The following ASPH variants were observed in gnomAD, a reference collection of about 807,000 sequenced individuals.
The protein encoded by ASPH is aspartyl/asparaginyl beta-hydroxylase.
A neutral mutation model predicts 118.4 loss-of-function variants in ASPH; 100 were observed. That is an observed-to-expected ratio of 0.84 (90% confidence interval 0.72 to 1.00). The LOEUF is 1.00. Among genes scored for constraint, ASPH ranks in the 50% least tolerant of loss-of-function variants. The pLI, the probability that ASPH is intolerant of heterozygous loss-of-function variation, is 0.00. For missense variants in ASPH, 920 were observed against 919.5 expected, an observed-to-expected ratio of 1.00 and a Z score of -0.01; for synonymous variants, 315 against 325.6, an observed-to-expected ratio of 0.97 and a Z score of 0.35.
chr8:61,517,789 C>T, intron 23 of ASPH, 128 bp from the exon 24 acceptor site: 1 of 1,302,564 alleles, frequency 7.7e-7, no homozygotes, highest in Non-Finnish European at 1.0e-6. Context: ...TATTTATATT[C>T]AAGTCTTATT....
intron 24 of ASPH, among the ~76,000 whole-genome samples, chr8:61,509,111 A>T (rs1234237916): frequency 6.6e-6 from 1 of 152,112 alleles, no homozygotes; most frequent in Non-Finnish European, 1.5e-5. Context: ...AGATGAAGGC[A>T]CTGAAGGAGG....
intron 3 of ASPH, chr8:61,663,353 A>G (rs1817898038): frequency 1.0e-6 from 1 of 985,278 alleles, no homozygotes; most frequent in African/African-American, 1.7e-5. Flanking sequence ...AGGCCTAACC[A>G]GGCCAACTGG....
chr8:61,637,514 T>C (rs1401571094), intron 12 of ASPH, among the ~76,000 whole-genome samples: 1 of 152,002 alleles, frequency 6.6e-6, no homozygotes, highest in Admixed American at 6.6e-5. Flanking sequence ...TCAGAAACCA[T>C]CCCTTCAGTT....
In ASPH at chr8:61,548,094, T is replaced by C; in HGVS notation, c.1741A>G (p.Thr581Ala). The change falls in exon 21 of 25, where the codon ACG becomes GCG. Residue 581 changes from threonine (T) to alanine (A), a missense_variant. Coordinates refer to ENST00000379454, the MANE Select transcript of ASPH (RefSeq NM_004318.4). ...ACCTTTACTAACTCTGTGTAGCCCG[T>C]TTCTTTTGGGGTCCACCAAGGCTGT... ...KAQPWWTPKE[T>A]GYTELVKSLE... The C allele has an allele frequency of 6.2e-7, 1 of 1,613,794 alleles. No individual in the cohort carries two copies. The highest frequency in any genetic ancestry group is 8.5e-7 in the Non-Finnish European group (1 of 1,179,760).
At chr8:61,567,818 G>C (rs1039440670) in intron 16 of ASPH, among the ~76,000 whole-genome samples, 2 of 152,220 alleles carry the variant, frequency 1.3e-5, no homozygotes, top group African/African-American at 4.8e-5. Flanking sequence ...AAGGTACTAT[G>C]TGTCTAACAG....
chr8:61,665,030 A>G, intron 3 of ASPH: 1 of 1,274,808 alleles, frequency 7.8e-7, no homozygotes, highest in Non-Finnish European at 9.9e-7. Context: ...AATAGAAGTT[A>G]TTACATCATA....
chr8:61,704,796 G>A (rs1836184153), intron 1 of ASPH, among the ~76,000 whole-genome samples: 1 of 152,072 alleles, frequency 6.6e-6, no homozygotes, highest in South Asian at 2.1e-4. Context: ...CCACCAGAAT[G>A]GCTAAAATTA....
chr8:61,526,109 A>C lies in ASPH; in HGVS notation c.1768T>G (p.Leu590Val), dbSNP rs758594010. Residue 590 changes from leucine to valine, a missense_variant, in exon 22 of 25, where the codon TTA (leucine) becomes GTA (valine). Leu to Val is a conservative substitution (Grantham distance 32). Coordinates refer to ENST00000379454, the MANE Select transcript of ASPH (RefSeq NM_004318.4). ...CGGATTAACTTCCAGTTTCTTTCTA[A>C]AGACTAGAGGGAAGATTCTGGCTTT... The part of the protein sequence containing the change: ...ETGYTELVKS[L>V]ERNWKLIRDE... The C allele has an allele frequency of 4.3e-6, 7 of 1,613,950 alleles. No homozygotes were observed. In the Admixed American group the frequency reaches 1.0e-4, roughly 23 times the overall value.
chr8:61,576,952 G>A (rs1835354089), intron 15 of ASPH, 94 bp from the exon 16 acceptor site: 1 of 1,074,116 alleles, frequency 9.3e-7, no homozygotes. Flanking sequence ...TTTTGTCAGA[G>A]TTTCCTAGAT....
Position 61,613,792 on chromosome 8 carries a change from T to C in ASPH, c.976+5186A>G, listed in dbSNP as rs191375038. On this transcript the variant is annotated intron_variant, in intron 14 of 24. Transcript: ENST00000379454. ...TCCTGAGATGCGTCATGTGCTGCACTAAGAAGTTTATTTTTTTATCATCAA... is the reference window on the plus strand; with the variant it reads ...TCCTGAGATGCGTCATGTGCTGCACCAAGAAGTTTATTTTTTTATCATCAA... 3.9e-3 allele frequency among the ~76,000 whole-genome samples: 589 copies of C among 152,320 alleles called. 4 individuals are homozygous for C. The highest frequency in any genetic ancestry group is 0.01 in the Middle Eastern group (3 of 294).
intron 1 of ASPH, among the ~76,000 whole-genome samples, chr8:61,702,823 T>C (rs1028827413): frequency 2.0e-5 from 3 of 152,206 alleles, no homozygotes; most frequent in Admixed American, 2.0e-4. Flanking sequence ...TCTATTGTTA[T>C]CATTTACCAT....
At chr8:61,619,211 A>G (rs1397818981) in intron 13 of ASPH, among the ~76,000 whole-genome samples, 192 bp from the exon 14 acceptor site, 1 of 152,182 alleles carries the variant, frequency 6.6e-6, no homozygotes, top group Non-Finnish European at 1.5e-5. Flanking sequence ...ATTTGGGCAT[A>G]TTTCAATTAC....
chr8:61,534,545 T>C (rs1296591306), intron 21 of ASPH, among the ~76,000 whole-genome samples: 1 of 152,262 alleles, frequency 6.6e-6, no homozygotes, highest in Non-Finnish European at 1.5e-5. Context: ...ATTGATTTCT[T>C]GTTGACCTGG....
intron 14 of ASPH, among the ~76,000 whole-genome samples, chr8:61,602,500 G>C (rs1005382693): frequency 6.6e-6 from 1 of 151,288 alleles, no homozygotes; most frequent in Non-Finnish European, 1.5e-5. Context: ...ATACTAAACG[G>C]TAACAGACTG....
chr8:61,540,315 C>T (rs1052155985), intron 21 of ASPH, among the ~76,000 whole-genome samples: 7 of 152,110 alleles, frequency 4.6e-5, no homozygotes, highest in African/African-American at 1.2e-4. Flanking sequence ...TTCTCATCAA[C>T]GGTTCAGTAC....
chr8:61,592,652 A>C (rs970922982), intron 14 of ASPH, among the ~76,000 whole-genome samples: 1 of 152,236 alleles, frequency 6.6e-6, no homozygotes, highest in Non-Finnish European at 1.5e-5. Flanking sequence ...TTAAAGAAAA[A>C]GGTGCTCTGT....
chr8:61,683,706 T>C (rs1203709939), intron 2 of ASPH: 1 of 175,228 alleles, frequency 5.7e-6, no homozygotes, highest in African/African-American at 2.4e-5. Context: ...CATGATCAAG[T>C]ATTTTTAAAA....
At chr8:61,690,412 G>C (rs1238303002) in intron 1 of ASPH, among the ~76,000 whole-genome samples, 2 of 152,062 alleles carry the variant, frequency 1.3e-5, no homozygotes, top group Non-Finnish European at 2.9e-5. Flanking sequence ...GGTGAGGAGA[G>C]GGAAAGAAAA....
rs190471538 is a variant in ASPH, at chr8:61,501,701, G to A, written c.*1658C>T. The A allele has an allele frequency of 3.1e-4, 47 of 152,224 alleles. No homozygotes were observed. Among genetic ancestry groups the A allele is most frequent in the African/African-American group, 1.1e-3 (45 of 41,540 alleles). 9.4% of individuals were successfully genotyped at this position (152,224 alleles called of 1,614,324 possible). On this transcript the variant is annotated 3_prime_UTR_variant, in exon 25 of 25. Transcript: ENST00000379454. Reference sequence around the variant, plus strand: ...TTAATTTGGATATTTTTCCTCCCATGCCTCTTCATCTGATTTAGTGGGATG... The same window carrying A: ...TTAATTTGGATATTTTTCCTCCCATACCTCTTCATCTGATTTAGTGGGATG...
Sources: gnomAD v4.1 joint callset for allele counts (sites outside exome capture counted in the v4.1 genomes callset) on GRCh38, gnomAD v4.1.1 for gene constraint, MANE v1.5 for transcripts, NCBI Gene and HGNC (gene_info 2026-07-23, HGNC 2026-07-21) for gene names.